MYBL2: variants seen among roughly 807,000 people sequenced by gnomAD.
MYBL2 encodes myb-related protein B.
In MYBL2, 28 loss-of-function variants were observed where a neutral mutation model predicts 79.9. The observed-to-expected ratio is 0.35, with a 90% confidence interval of 0.26 to 0.48. The LOEUF is 0.48. MYBL2 is among the 20% of genes least tolerant of loss of function. The probability of loss-of-function intolerance (pLI) is 0.99; values close to 1 mark genes in which losing one functional copy is unlikely to be tolerated. For missense variants in MYBL2, 735 were observed against 893.9 expected (o/e 0.82, Z 2.27); for synonymous variants, 378 against 361.2 (o/e 1.05, Z -0.53).
At chr20:43,709,311 C>T (rs1215676021) in intron 9 of MYBL2, among the ~76,000 whole-genome samples, 2 of 152,174 alleles carry the variant, frequency 1.3e-5, no homozygotes. Flanking sequence ...CCAGCCTGGC[C>T]CAGCCCCATA....
At chr20:43,701,954 T>C (rs1987681934) in intron 7 of MYBL2, among the ~76,000 whole-genome samples, 1 of 152,034 alleles carries the variant, frequency 6.6e-6, no homozygotes, top group Non-Finnish European at 1.5e-5. Flanking sequence ...TCACCTGAGG[T>C]CAGGAGTTCG....
In MYBL2 at chr20:43,705,292, G is replaced by A. The variant is rs1987755099; in HGVS notation, c.1439G>A (p.Ser480Asn). 1.2e-6 allele frequency: 2 copies of A among 1,613,968 alleles called. No individual in the cohort carries two copies. Among genetic ancestry groups the A allele is most frequent in the Non-Finnish European group, 1.7e-6 (2 of 1,180,014 alleles). The change falls in exon 9 of 14, where the codon AGC (serine) becomes AAC (asparagine). Residue 480 changes from serine (S) to asparagine (N), a missense_variant. Ser to Asn is a conservative substitution (Grantham distance 46). Coordinates refer to ENST00000217026, the MANE Select transcript of MYBL2 (RefSeq NM_002466.4). ...TCGCTGACATCCACCCCAGTGTGCA[G>A]CCAGAAGGTGGTGGTCACCACACCA... Reference protein sequence around the residue: ...SPSLTSTPVCSQKVVVTTPLH... With the variant: ...SPSLTSTPVCNQKVVVTTPLH...
chr20:43,681,193 T>C (rs1987133271), intron 2 of MYBL2, among the ~76,000 whole-genome samples: 1 of 152,188 alleles, frequency 6.6e-6, no homozygotes, highest in African/African-American at 2.4e-5. Context: ...GACCTCCAGC[T>C]TCTAGTGCTG....
intron 5 of MYBL2, among the ~76,000 whole-genome samples, chr20:43,691,715 T>A (rs1312664345): frequency 1.3e-5 from 2 of 151,942 alleles, no homozygotes; most frequent in Admixed American, 6.6e-5. Context: ...AATTTTGTAT[T>A]TTTAGTAGAG....
chr20:43,711,625 G>A (rs1438125790), intron 11 of MYBL2, 24 bp downstream of exon 11: 6 of 1,593,252 alleles, frequency 3.8e-6, no homozygotes, highest in East Asian at 2.3e-5. Flanking sequence ...GGGTGGGAGA[G>A]CCTGGGCAGG....
At chr20:43,708,234 A>C (rs1214067958) in intron 9 of MYBL2, among the ~76,000 whole-genome samples, 1 of 152,036 alleles carries the variant, frequency 6.6e-6, no homozygotes, top group Admixed American at 6.6e-5. Flanking sequence ...TAACTAGCTG[A>C]GAACACAGGT....
chr20:43,687,963 G>GATC (rs1241157836), intron 5 of MYBL2, among the ~76,000 whole-genome samples: 1 of 141,182 alleles, frequency 7.1e-6, no homozygotes, highest in Non-Finnish European at 1.5e-5. Context: ...AGTGAGCCGA[G>GATC]ATCATATCAC....
intron 6 of MYBL2, among the ~76,000 whole-genome samples, chr20:43,698,061 CTTTTTT>C (rs11475916): frequency 8.9e-6 from 1 of 112,434 alleles, no homozygotes. Context: ...GCTTGGTTGT[CTTTTTT>C]TTTTTTTTTT....
At chr20:43,704,060 C>CTGGA (rs1480760572) in intron 8 of MYBL2, among the ~76,000 whole-genome samples, 1 of 152,158 alleles carries the variant, frequency 6.6e-6, no homozygotes, top group East Asian at 1.9e-4. Flanking sequence ...AGGCTGGAGG[C>CTGGA]TGGAGTGCAG....
At chr20:43,677,857 T>C (rs1032464405) in intron 2 of MYBL2, among the ~76,000 whole-genome samples, 1 of 152,166 alleles carries the variant, frequency 6.6e-6, no homozygotes, top group Non-Finnish European at 1.5e-5. Context: ...TTTTGTGGAA[T>C]AGAAAGAGGG....
Position 43,673,800 on chromosome 20 carries a change from C to T in MYBL2, c.21-6C>T, listed in dbSNP as rs1220506678. ...ATCCTTGACCCTTGGCCTGCTTTCCCCATAGCGAGGATCTGGATGAGCTGC... is the reference window on the plus strand; with the variant it reads ...ATCCTTGACCCTTGGCCTGCTTTCCTCATAGCGAGGATCTGGATGAGCTGC... On this transcript the variant is annotated splice_polypyrimidine_tract_variant and splice_region_variant and intron_variant, in intron 1 of 13. Transcript: ENST00000217026. The T allele has an allele frequency of 2.5e-6, 4 of 1,569,316 alleles. No homozygotes were observed. Among genetic ancestry groups the T allele is most frequent in the Non-Finnish European group, 3.5e-6 (4 of 1,156,004 alleles).
At chr20:43,714,779 C>T (rs1987989719) in intron 12 of MYBL2, among the ~76,000 whole-genome samples, 2 of 152,054 alleles carry the variant, frequency 1.3e-5, no homozygotes, top group African/African-American at 4.8e-5. Context: ...AACAGGCGCC[C>T]ACCACCACAC....
chr20:43,701,691 T>C (rs1175670997), intron 7 of MYBL2, among the ~76,000 whole-genome samples: 2 of 152,128 alleles, frequency 1.3e-5, no homozygotes, highest in Non-Finnish European at 2.9e-5. Flanking sequence ...CAATGATGAG[T>C]GACATCCCAT....
At chr20:43,705,022 A>G (rs1987748477) in intron 8 of MYBL2, among the ~76,000 whole-genome samples, 197 bp from the exon 9 acceptor site, 1 of 152,012 alleles carries the variant, frequency 6.6e-6, no homozygotes, top group Non-Finnish European at 1.5e-5. Flanking sequence ...GTCTGTGTGA[A>G]CCTGCTTGGT....
Position 43,697,875 on chromosome 20 carries a change from A to G in MYBL2, c.664-1882A>G, listed in dbSNP as rs371716298. Among the ~76,000 whole-genome samples, 1,226 of 150,858 alleles carry G rather than the reference A, an allele frequency of 8.1e-3. 21 individuals carry two copies. The highest frequency in any genetic ancestry group is 0.029 in the African/African-American group (1,172 of 40,910). Reference sequence around the variant, plus strand: ...GCTTGCAGTGAGCCGAGATCGCGCCACTGCATTTCAGCCTGGGCAACAGAG... The same window carrying G: ...GCTTGCAGTGAGCCGAGATCGCGCCGCTGCATTTCAGCCTGGGCAACAGAG... On this transcript the variant is annotated intron_variant, in intron 6 of 13. Transcript: ENST00000217026.
rs1302054938 is a variant in MYBL2, at chr20:43,699,943, C to A, written c.850C>A (p.Pro284Thr). ...PKREDQEGSP[P>T]ETSLPYKWVV... ...GCGTGAGGACCAGGAAGGCTCCCCA[C>A]CAGAAACGAGCCTGCCTTACAAGTG... The change falls in exon 7 of 14, where the codon CCA (proline) becomes ACA (threonine). Residue 284 changes from proline (P) to threonine (T), a missense_variant. By Grantham distance (38) the Pro-to-Thr change is conservative. This residue lies in a region of MYBL2 where 144 missense variants were observed against 131.9 expected (regional missense o/e 1.09). Coordinates refer to ENST00000217026, the MANE Select transcript of MYBL2 (RefSeq NM_002466.4). 3 of 1,614,010 alleles carry A rather than the reference C, an allele frequency of 1.9e-6. No homozygotes were observed. Among genetic ancestry groups the A allele is most frequent in the African/African-American group, 2.7e-5 (2 of 74,902 alleles).
chr20:43,697,544 G>T (rs1987572798), intron 6 of MYBL2, among the ~76,000 whole-genome samples: 2 of 152,010 alleles, frequency 1.3e-5, no homozygotes, highest in African/African-American at 4.8e-5. Flanking sequence ...CTGGGAGGTG[G>T]AGGTTGCAGT....
chr20:43,705,462 G>T, intron 9 of MYBL2, 104 bp downstream of exon 9: 6 of 1,303,146 alleles, frequency 4.6e-6, no homozygotes, highest in Non-Finnish European at 6.1e-6. Flanking sequence ...GGCACCCTTG[G>T]AATAACACTG....
At chr20:43,673,973 G>C in intron 2 of MYBL2, 74 bp downstream of exon 2, 2 of 1,309,094 alleles carry the variant, frequency 1.5e-6, no homozygotes, top group Non-Finnish European at 2.2e-6. Flanking sequence ...GAGTGTATTT[G>C]ATGTCTCATC....
Sources: gnomAD v4.1 joint callset for allele counts (sites outside exome capture counted in the v4.1 genomes callset) on GRCh38, gnomAD v4.1.1 for gene constraint, gnomAD v4.1.1 regional missense constraint, MANE v1.5 for transcripts, NCBI Gene and HGNC (gene_info 2026-07-23, HGNC 2026-07-21) for gene names.